Variants in CLEC4G observed in about 807,000 individuals in gnomAD.
CLEC4G encodes C-type lectin domain family 4 member G.
CLEC4G carries 34 observed loss-of-function variants against 37.0 expected under a neutral mutation model. The observed-to-expected ratio is 0.92, with a 90% confidence interval of 0.70 to 1.22. The LOEUF (loss-of-function observed/expected upper bound fraction) is 1.22. Among genes scored for constraint, CLEC4G ranks in the 50% most tolerant of loss-of-function variants. The pLI is 0.00. For missense variants in CLEC4G, 390 were observed against 392.9 expected, an observed-to-expected ratio of 0.99 and a Z score of 0.06; for synonymous variants, 167 against 165.6, an observed-to-expected ratio of 1.01 and a Z score of -0.06.
Position 7,730,091 on chromosome 19 carries a change from C to A in CLEC4G, c.555G>T (p.Thr185=), listed in dbSNP as rs368297239. The change falls in exon 7 of 9, where the codon ACG becomes ACT. Residue 185 remains threonine (T), a synonymous_variant. Coordinates refer to ENST00000328853, the MANE Select transcript of CLEC4G (RefSeq NM_198492.4). This position sits in a 1 kb window ranked among gnomAD's most constrained non-coding sequence, Gnocchi z 7.3. ...CGCAGTGATCCTGCGCCGCCGCCCACGTCGTCTTTGGCACAGAGAAAAAGT... is the reference window on the plus strand; with the variant it reads ...CGCAGTGATCCTGCGCCGCCGCCCAAGTCGTCTTTGGCACAGAGAAAAAGT... ...SCYFFSVPKT[T]WAAAQDHCAD... 1.4e-5 allele frequency: 22 copies of A among 1,609,830 alleles called. No homozygotes were observed. Among genetic ancestry groups the A allele is most frequent in the Non-Finnish European group, 1.8e-5 (21 of 1,178,866 alleles).
In CLEC4G at chr19:7,731,416, G is replaced by A; in HGVS notation, c.167-97C>T. On this transcript the variant is annotated intron_variant, in intron 2 of 8. Transcript: ENST00000328853. ...CCCCCAACTCGGGAGCACGGAGCGGGCGGGCAGGCATACAGCTCACACGAT... is the reference window on the plus strand; with the variant it reads ...CCCCCAACTCGGGAGCACGGAGCGGACGGGCAGGCATACAGCTCACACGAT... 4.0e-6 allele frequency: 6 copies of A among 1,508,738 alleles called. No homozygotes were observed. In the South Asian group the frequency reaches 7.5e-5, roughly 19 times the overall value. 93.5% of individuals were successfully genotyped at this position (1,508,738 alleles called of 1,614,324 possible). A position where few individuals can be genotyped will look rare whatever the true frequency, so the allele number is the denominator to read the frequency against.
chr19:7,731,060 G>A lies in CLEC4G; in HGVS notation c.249C>T (p.Ala83=), dbSNP rs753513715. The A allele has an allele frequency of 3.1e-6, 5 of 1,605,742 alleles. No homozygotes were observed. Among genetic ancestry groups the A allele is most frequent in the Non-Finnish European group, 4.2e-6 (5 of 1,179,632 alleles). The stretch of plus-strand genomic sequence containing the variant: ...GGCAGTCTCCGACCTCCTCCTTCAG[G>A]GCACCCAGCGCCGCCGTCTGCTTCG... The part of the protein sequence containing the change: ...NASKQTAALG[A]LKEEVGDCHS... The change falls in exon 4 of 9, where the codon GCC becomes GCT. Residue 83 remains alanine (A), a synonymous_variant. Coordinates refer to ENST00000328853, the MANE Select transcript of CLEC4G (RefSeq NM_198492.4).
chr19:7,730,941 G>A lies in CLEC4G; in HGVS notation c.284-82C>T, dbSNP rs1475905344. 1.5e-5 allele frequency: 17 copies of A among 1,100,234 alleles called. No individual in the cohort carries two copies. Among genetic ancestry groups the A allele is most frequent in the Admixed American group, 8.5e-5 (2 of 23,512 alleles). The allele number at this position is 1,100,234 out of a possible 1,614,324, so 68.2% of individuals were successfully genotyped here. On this transcript the variant is annotated intron_variant, in intron 4 of 8. Transcript: ENST00000328853. This position sits in a 1 kb window ranked among gnomAD's most constrained non-coding sequence, Gnocchi z 7.3. ...GACCAGCCCCCGCCCCGCACCACCC[G>A]CCGCAGGCCTCCGCCCCGGCCCCCC...
intron 2 of CLEC4G, among the ~76,000 whole-genome samples, 169 bp downstream of exon 2, chr19:7,731,492 A>C (rs1234302473): frequency 2.0e-5 from 3 of 152,194 alleles, no homozygotes; most frequent in Non-Finnish European, 4.4e-5. Flanking sequence ...CGCACATACG[A>C]GCACGCCATG....
rs745578277 is a variant in CLEC4G at position 7,730,148 on chromosome 19, G to A, written c.498C>T (p.Pro166=). The change falls in exon 7 of 9, where the codon CCC becomes CCT. Residue 166 remains proline (P), a synonymous_variant. Transcript: ENST00000328853. This position sits in a 1 kb window ranked among gnomAD's most constrained non-coding sequence, Gnocchi z 7.3. ...RLQNNSCEPC[P]TSWLSFEGSC... ...AGCCCTCGAAGGACAGCCACGACGTGGGGCACGGCTCGCAGGAGTCTGCGG... is the reference window on the plus strand; with the variant it reads ...AGCCCTCGAAGGACAGCCACGACGTAGGGCACGGCTCGCAGGAGTCTGCGG... The A allele has an allele frequency of 5.0e-6, 8 of 1,613,064 alleles. No homozygotes were observed. The highest frequency in any genetic ancestry group is 6.8e-6 in the Non-Finnish European group (8 of 1,179,730).
At position 7,732,064 on chromosome 19, in the gene CLEC4G, G is replaced by T; in HGVS notation, c.39C>A (p.Ser13=). ...TTRYSKWGGS[S]EEVPGGPWGR... is the part of the protein sequence containing the mutation. ...TGCTCATACCTCCGGGGACCTCCTC[G>T]GAGCTGCCGCCCCACTTGCTGTACC... is the stretch of plus-strand genomic sequence containing the variant. Residue 13 remains serine (S), a synonymous_variant, in exon 1 of 9, where the codon TCC becomes TCA. Coordinates refer to ENST00000328853, the MANE Select transcript of CLEC4G (RefSeq NM_198492.4). The T allele has an allele frequency of 6.2e-7, 1 of 1,609,546 alleles. No individual in the cohort carries two copies. The highest frequency in any genetic ancestry group is 2.2e-5 in the East Asian group (1 of 44,856).
chr19:7,730,416 C>T lies in CLEC4G; in HGVS notation c.413G>A (p.Gly138Asp). 1 of 1,601,820 alleles carries T rather than the reference C, an allele frequency of 6.2e-7. No homozygotes were observed. The highest frequency in any genetic ancestry group is 8.5e-7 in the Non-Finnish European group (1 of 1,179,884). The change falls in exon 6 of 9, where the codon GGC (glycine) becomes GAC (aspartate). Residue 138 changes from glycine (G) to aspartate (D), a missense_variant. Gly to Asp is a moderately conservative substitution (Grantham distance 94). Transcript: ENST00000328853. This position sits in a 1 kb window ranked among gnomAD's most constrained non-coding sequence, Gnocchi z 7.3. The stretch of plus-strand genomic sequence containing the variant: ...AGTGCGGACGTCCTCACGGCCCCTG[C>T]CGGCTTCAGCCAAGCCCTGGGTCAC... ...ERVTQGLAEA[G>D]RGREDVRTEL...
At position 7,729,870 on chromosome 19, in the gene CLEC4G, C is replaced by A. The variant is rs750090061; in HGVS notation, c.694G>T (p.Gly232Cys). ...WLGLRAVRHL[G>C]KVQGYQWVDG... ...ACCCACTGGTAGCCCTGAACCTTGC[C>A]CAGATGGCGCACAGCCCTCAGGCCC... The change falls in exon 8 of 9, where the codon GGC becomes TGC. Residue 232 changes from glycine to cysteine, a missense_variant. Gly to Cys is a radical substitution (Grantham distance 159). Transcript: ENST00000328853. The A allele has an allele frequency of 1.2e-6, 2 of 1,614,168 alleles. No homozygotes were observed. The highest frequency in any genetic ancestry group is 1.7e-5 in the Admixed American group (1 of 60,018).
Position 7,729,829 on chromosome 19 carries a change from G to C in CLEC4G, c.735C>G (p.Leu245=). The change falls in exon 8 of 9, where the codon CTC becomes CTG. Residue 245 remains leucine, a synonymous_variant. Transcript: ENST00000328853. ...QGYQWVDGVS[L]SFSHWNQGEP... is the part of the protein sequence containing the mutation. ...AGGAGCCTTTCCCTCACCTGAAGCT[G>C]AGAGAGACTCCGTCCACCCACTGGT... The C allele has an allele frequency of 6.2e-7, 1 of 1,614,124 alleles. No individual in the cohort carries two copies.
chr19:7,731,738 C>G lies in CLEC4G; in HGVS notation c.89G>C (p.Arg30Thr), dbSNP rs978371406. Reference sequence around the variant, plus strand: ...GACAGCCAGGGCCAAGAAGAGGGGTCTCCTGCTCCAGTGCACCCAGCGTCC... The same window carrying G: ...GACAGCCAGGGCCAAGAAGAGGGGTGTCCTGCTCCAGTGCACCCAGCGTCC... Reference protein sequence around the residue: ...PWGRWVHWSRRPLFLALAVLV... With the variant: ...PWGRWVHWSRTPLFLALAVLV... The change falls in exon 2 of 9, where the codon AGA (arginine) becomes ACA (threonine). Residue 30 changes from arginine (R) to threonine (T), a missense_variant. Coordinates refer to ENST00000328853, the MANE Select transcript of CLEC4G (RefSeq NM_198492.4). The G allele has an allele frequency of 1.2e-6, 2 of 1,614,116 alleles. No homozygotes were observed. The highest frequency in any genetic ancestry group is 1.7e-5 in the Admixed American group (1 of 60,022).
At chr19:7,731,509 C>A in intron 2 of CLEC4G, 152 bp downstream of exon 2, 1 of 1,453,734 alleles carries the variant, frequency 6.9e-7, no homozygotes, top group South Asian at 1.4e-5. Flanking sequence ...CATGTGCACA[C>A]GCGTGAGTGC....
intron 2 of CLEC4G, 106 bp downstream of exon 2, chr19:7,731,555 C>A: frequency 6.7e-7 from 1 of 1,499,164 alleles, no homozygotes; most frequent in Non-Finnish European, 9.0e-7. Flanking sequence ...TCTGCTCACA[C>A]TCAGACGCGA....
intron 2 of CLEC4G, 124 bp from the exon 3 acceptor site, chr19:7,731,443 T>C (rs2146301272): frequency 2.7e-6 from 4 of 1,488,010 alleles, no homozygotes; most frequent in Non-Finnish European, 3.6e-6. Context: ...TCACACGATG[T>C]GCACACACGC....
In CLEC4G at chr19:7,729,922, C is replaced by A. The variant is rs1568499875; in HGVS notation, c.642G>T (p.Arg214=). 6.2e-7 allele frequency: 1 copy of A among 1,614,142 alleles called. No individual in the cohort carries two copies. The highest frequency in any genetic ancestry group is 8.5e-7 in the Non-Finnish European group (1 of 1,180,020). The change falls in exon 8 of 9, where the codon CGG becomes CGT. Residue 214 remains arginine, a synonymous_variant. Coordinates refer to ENST00000328853, the MANE Select transcript of CLEC4G (RefSeq NM_198492.4). ...GGLDEQGFLT[R]NTRGRGYWLG... is the part of the protein sequence containing the mutation. ...GCCAGTAACCACGGCCACGCGTGTT[C>A]CGAGTGAGGAAGCCCTAGAAAGGAG...
At position 7,729,355 on chromosome 19, in the gene CLEC4G, A is replaced by G. The variant is rs1270979418; in HGVS notation, c.*11T>C. On this transcript the variant is annotated 3_prime_UTR_variant, in exon 9 of 9. Coordinates refer to ENST00000328853, the MANE Select transcript of CLEC4G (RefSeq NM_198492.4). ...GCTGCAATGGGCGCGGCTCCAGGGC[A>G]CTGGGCGGGGTCAGCAGTTGTGCCT... is the stretch of plus-strand genomic sequence containing the variant. The G allele has an allele frequency of 1.3e-6, 2 of 1,590,452 alleles. No homozygotes were observed. Among genetic ancestry groups the G allele is most frequent in the Non-Finnish European group, 1.7e-6 (2 of 1,160,342 alleles).
intron 2 of CLEC4G, 94 bp downstream of exon 2, chr19:7,731,567 C>G (rs1484035664): frequency 1.3e-6 from 2 of 1,521,960 alleles, no homozygotes; most frequent in East Asian, 2.4e-5. Flanking sequence ...CAGACGCGAA[C>G]AGGACCCCAG....
chr19:7,730,735 G>C lies in CLEC4G; in HGVS notation c.388+20C>G, dbSNP rs889116407. 6.5e-7 allele frequency: 1 copy of C among 1,527,538 alleles called. No individual in the cohort carries two copies. The highest frequency in any genetic ancestry group is 1.4e-5 in the African/African-American group (1 of 72,608). 94.6% of individuals were successfully genotyped at this position (1,527,538 alleles called of 1,614,324 possible). On this transcript the variant is annotated intron_variant, in intron 5 of 8. Coordinates refer to ENST00000328853, the MANE Select transcript of CLEC4G (RefSeq NM_198492.4). This position sits in a 1 kb window ranked among gnomAD's most constrained non-coding sequence, Gnocchi z 7.3. Reference sequence around the variant, plus strand: ...GGGACGCGGCCAGGGCTCAGGGCCGGGGTCGCGTCGGGCCCTCACCGCGCT... The same window carrying C: ...GGGACGCGGCCAGGGCTCAGGGCCGCGGTCGCGTCGGGCCCTCACCGCGCT...
chr19:7,729,909 G>A lies in CLEC4G; in HGVS notation c.655C>T (p.Arg219Cys). 6.2e-7 allele frequency: 1 copy of A among 1,614,132 alleles called. No individual in the cohort carries two copies. Among genetic ancestry groups the A allele is most frequent in the Middle Eastern group, 1.6e-4 (1 of 6,062 alleles). ...GCCCTCAGGCCCAGCCAGTAACCACGGCCACGCGTGTTCCGAGTGAGGAAG... is the reference window on the plus strand; with the variant it reads ...GCCCTCAGGCCCAGCCAGTAACCACAGCCACGCGTGTTCCGAGTGAGGAAG... ...QGFLTRNTRG[R>C]GYWLGLRAVR... is the part of the protein sequence containing the mutation. The change falls in exon 8 of 9, where the codon CGT (arginine) becomes TGT (cysteine). Residue 219 changes from arginine to cysteine, a missense_variant. Physicochemically the swap from Arg to Cys is radical, Grantham distance 180. Coordinates refer to ENST00000328853, the MANE Select transcript of CLEC4G (RefSeq NM_198492.4).
chr19:7,729,683 G>A lies in CLEC4G; in HGVS notation c.743+138C>T, dbSNP rs2146299215. 3.5e-6 allele frequency: 5 copies of A among 1,445,454 alleles called. No individual in the cohort carries two copies. In the South Asian group the frequency reaches 6.9e-5, roughly 20 times the overall value. The allele number at this position is 1,445,454 out of a possible 1,614,324, so 89.5% of individuals were successfully genotyped here. A position where few individuals can be genotyped will look rare whatever the true frequency, so the allele number is the denominator to read the frequency against. Reference sequence around the variant, plus strand: ...TTTTAACGCCCAGAATTTAACCTGAGGACAGTTCCTGGGGTCCAGCCTGCC... The same window carrying A: ...TTTTAACGCCCAGAATTTAACCTGAAGACAGTTCCTGGGGTCCAGCCTGCC... On this transcript the variant is annotated intron_variant, in intron 8 of 8. Coordinates refer to ENST00000328853, the MANE Select transcript of CLEC4G (RefSeq NM_198492.4).
Sources: gnomAD v4.1 joint callset for allele counts (sites outside exome capture counted in the v4.1 genomes callset) on GRCh38, gnomAD v4.1.1 for gene constraint, Gnocchi (gnomAD v3.1) non-coding constraint, MANE v1.5 for transcripts, NCBI Gene and HGNC (gene_info 2026-07-23, HGNC 2026-07-21) for gene names.